Variants in CTNNA2 observed in about 807,000 individuals in gnomAD.
The protein encoded by CTNNA2 is catenin alpha-2.
A neutral mutation model predicts 101.0 loss-of-function variants in CTNNA2; 42 were observed. The observed-to-expected ratio is 0.42, with a 90% CI of 0.32 to 0.54. The LOEUF (loss-of-function observed/expected upper bound fraction) is 0.54, where lower values mean the gene tolerates loss of function less well. CTNNA2 is among the 20% of genes least tolerant of loss of function. The pLI, the probability that CTNNA2 is intolerant of heterozygous loss-of-function variation, is 0.14. For missense variants in CTNNA2, 871 were observed against 1,223.1 expected, an observed-to-expected ratio of 0.71 and a Z score of 4.29; for synonymous variants, 450 against 456.4, an observed-to-expected ratio of 0.99 and a Z score of 0.18.
intron 7 of CTNNA2, among the ~76,000 whole-genome samples, chr2:80,034,781 G>A (rs752689139): frequency 1.3e-5 from 2 of 152,172 alleles, no homozygotes; most frequent in Non-Finnish European, 2.9e-5. Flanking sequence ...GTTGGTGAGA[G>A]CGTGAGGAAA....
chr2:80,560,157 TG>T (rs1421398249), intron 12 of CTNNA2, among the ~76,000 whole-genome samples: 2 of 151,910 alleles, frequency 1.3e-5, no homozygotes, highest in Admixed American at 6.6e-5. Context: ...GGAAAATACG[TG>T]GGCCAAGCAG....
chr2:80,033,803 G>A lies in CTNNA2; in HGVS notation c.1056+124006G>A, dbSNP rs184703157. ...GACATTCTGGACAGTTGATCTAAATGCATATGGAAATTCAGTGTATGAAAA... is the reference window on the plus strand; with the variant it reads ...GACATTCTGGACAGTTGATCTAAATACATATGGAAATTCAGTGTATGAAAA... On this transcript the variant is annotated intron_variant, in intron 7 of 18. Coordinates refer to ENST00000402739, the MANE Select transcript of CTNNA2 (RefSeq NM_001282597.3). 3.5e-3 allele frequency among the ~76,000 whole-genome samples: 537 copies of A among 152,104 alleles called. 8 individuals carry two copies. Among genetic ancestry groups the A allele is most frequent in the Non-Finnish European group, 2.4e-3 (166 of 67,996 alleles).
intron 2 of CTNNA2, among the ~76,000 whole-genome samples, chr2:79,260,880 A>G (rs1227733319): frequency 6.6e-6 from 1 of 152,100 alleles, no homozygotes; most frequent in Non-Finnish European, 1.5e-5. Flanking sequence ...GGGGCATTCA[A>G]ATTATAATGG....
At chr2:79,625,091 A>C in intron 1 of CTNNA2, among the ~76,000 whole-genome samples, 1 of 151,602 alleles carries the variant, frequency 6.6e-6, no homozygotes, top group East Asian at 1.9e-4. Flanking sequence ...AAATTGATGT[A>C]TTTGGGGAGA....
intron 12 of CTNNA2, among the ~76,000 whole-genome samples, chr2:80,567,068 A>C (rs1423453445): frequency 2.6e-5 from 4 of 152,174 alleles, no homozygotes; most frequent in Non-Finnish European, 5.9e-5. Context: ...ACATATGGAA[A>C]TGAAATAGTC....
At chr2:80,206,469 A>AT (rs1707540512) in intron 7 of CTNNA2, among the ~76,000 whole-genome samples, 1 of 152,244 alleles carries the variant, frequency 6.6e-6, no homozygotes, top group African/African-American at 2.4e-5. Flanking sequence ...ATCACATCCA[A>AT]TGTTCTTTAA....
At chr2:79,845,255 A>G (rs1316797305) in intron 3 of CTNNA2, among the ~76,000 whole-genome samples, 1 of 141,066 alleles carries the variant, frequency 7.1e-6, no homozygotes, top group African/African-American at 2.7e-5. Flanking sequence ...GATTCTTGTT[A>G]GTGGGTCTTT....
intron 3 of CTNNA2, among the ~76,000 whole-genome samples, chr2:79,816,341 G>T (rs1266326686): frequency 1.3e-5 from 2 of 152,074 alleles, no homozygotes; most frequent in East Asian, 3.9e-4. Context: ...TCAGTTCTCA[G>T]AGGAAATGCT....
At position 80,547,489 on chromosome 2, in the gene CTNNA2, T is replaced by C. The variant is rs142745884; in HGVS notation, c.1540+1426T>C. 1.1e-3 allele frequency among the ~76,000 whole-genome samples: 173 copies of C among 152,216 alleles called. 3 individuals are homozygous for C. The East Asian group carries it at 0.032, about 28-fold the overall frequency. On this transcript the variant is annotated intron_variant, in intron 11 of 18. Transcript: ENST00000402739. ...TGTCAAGATAGAAAGGAAATTTCCTTTGGTGCTTGCTGCTTTCATTTCAGC... is the reference window on the plus strand; with the variant it reads ...TGTCAAGATAGAAAGGAAATTTCCTCTGGTGCTTGCTGCTTTCATTTCAGC...
rs1205184658 is a variant in CTNNA2 at position 80,478,840 on chromosome 2, T to C, written c.1290+59239T>C. 2.6e-5 allele frequency among the ~76,000 whole-genome samples: 4 copies of C among 152,120 alleles called. No homozygotes were observed. In the East Asian group the frequency reaches 7.7e-4, roughly 29 times the overall value. On this transcript the variant is annotated intron_variant, in intron 9 of 18. Coordinates refer to ENST00000402739, the MANE Select transcript of CTNNA2 (RefSeq NM_001282597.3). ...ATGCTTCCAGATTTGTTCTTTTTGC[T>C]TAGCATTTCTTTGGCTATTTGGGTT... is the stretch of plus-strand genomic sequence containing the variant.
At chr2:80,582,588 C>T (rs954962952) in intron 14 of CTNNA2, among the ~76,000 whole-genome samples, 5 of 152,054 alleles carry the variant, frequency 3.3e-5, no homozygotes, top group Admixed American at 1.3e-4. Context: ...AGTAGGTGTA[C>T]GTAATCAAGG....
At chr2:79,192,294 G>T (rs1185509206) in intron 1 of CTNNA2, among the ~76,000 whole-genome samples, 1 of 152,132 alleles carries the variant, frequency 6.6e-6, no homozygotes, top group Admixed American at 6.5e-5. Context: ...TTCACAAAAT[G>T]CTTTGTGCTG....
At chr2:80,628,417 T>G (rs1320310816) in intron 18 of CTNNA2, among the ~76,000 whole-genome samples, 5 of 151,692 alleles carry the variant, frequency 3.3e-5, no homozygotes, top group Admixed American at 3.3e-4. Flanking sequence ...AAACCAGAGA[T>G]ATCAACCAAT....
At chr2:79,423,181 A>C (rs1177712941) in intron 4 of CTNNA2, among the ~76,000 whole-genome samples, 1 of 152,152 alleles carries the variant, frequency 6.6e-6, no homozygotes, top group Admixed American at 6.5e-5. Flanking sequence ...TCTCTGAAAA[A>C]AATCTAATTT....
chr2:79,589,234 G>T (rs1676689999), intron 1 of CTNNA2, among the ~76,000 whole-genome samples: 1 of 152,172 alleles, frequency 6.6e-6, no homozygotes, highest in Non-Finnish European at 1.5e-5. Context: ...CAGTCCACCA[G>T]AAGTGGTTTT....
intron 2 of CTNNA2, among the ~76,000 whole-genome samples, chr2:79,215,822 G>T (rs1674248567): frequency 6.6e-6 from 1 of 152,112 alleles, no homozygotes; most frequent in African/African-American, 2.4e-5. Context: ...AGGAGGGGAG[G>T]TGATAAAAGG....
At chr2:80,598,065 A>G (rs528293611) in intron 15 of CTNNA2, among the ~76,000 whole-genome samples, 1 of 152,336 alleles carries the variant, frequency 6.6e-6, no homozygotes, top group East Asian at 1.9e-4. Context: ...TCAGATGCCC[A>G]TCAATGATAG....
chr2:79,496,268 TC>T (rs1487152126), intron 4 of CTNNA2, among the ~76,000 whole-genome samples: 4 of 152,192 alleles, frequency 2.6e-5, no homozygotes. Flanking sequence ...GTCATATTTT[TC>T]TTAATATGAA....
At chr2:79,954,334 G>A (rs1314947162) in intron 7 of CTNNA2, among the ~76,000 whole-genome samples, 1 of 152,004 alleles carries the variant, frequency 6.6e-6, no homozygotes, top group Non-Finnish European at 1.5e-5. Context: ...TTTATAATTG[G>A]TCCATAAAAG....
Sources: allele counts gnomAD v4.1 joint callset (sites outside exome capture counted in the v4.1 genomes callset), GRCh38; gene constraint gnomAD v4.1.1; transcripts MANE v1.5; gene names NCBI Gene and HGNC (gene_info 2026-07-23, HGNC 2026-07-21).